The following MRTFB variants were observed in gnomAD, a reference collection of about 807,000 sequenced individuals.
MRTFB encodes the protein myocardin related transcription factor B, also known as myocardin-related transcription factor B.
MRTFB carries 29 observed loss-of-function variants against 104.2 expected under a neutral mutation model. That is an observed-to-expected ratio of 0.28 (90% CI 0.21 to 0.38). The LOEUF is 0.38. Ranked by LOEUF, MRTFB falls within the 10% of genes least tolerant of loss-of-function variation. MRTFB has a pLI of 1.00. For synonymous variants in MRTFB, 535 were observed against 519.5 expected, an observed-to-expected ratio of 1.03 and a Z score of -0.41; for missense variants, 1,270 against 1,341.6, an observed-to-expected ratio of 0.95 and a Z score of 0.83.
intron 3 of MRTFB, among the ~76,000 whole-genome samples, chr16:14,164,379 A>G (rs765587601): frequency 1.6e-4 from 25 of 151,962 alleles, no homozygotes; most frequent in African/African-American, 6.0e-4. Flanking sequence ...TTCCATCCAT[A>G]TTGCTGCAAA....
At chr16:14,141,471 T>TA (rs1245576737) in intron 3 of MRTFB, 1 of 152,200 alleles carries the variant, frequency 6.6e-6, no homozygotes, top group Non-Finnish European at 1.5e-5. Flanking sequence ...GCATGCACAT[T>TA]AAAAAATAGA....
chr16:14,125,477 G>C (rs2037061794), intron 2 of MRTFB, among the ~76,000 whole-genome samples: 1 of 152,262 alleles, frequency 6.6e-6, no homozygotes, highest in Non-Finnish European at 1.5e-5. Context: ...CGGGCAGCTT[G>C]GAGGGGAACC....
intron 16 of MRTFB, among the ~76,000 whole-genome samples, chr16:14,258,801 A>G (rs1379966237): frequency 6.6e-6 from 1 of 152,240 alleles, no homozygotes; most frequent in Non-Finnish European, 1.5e-5. Flanking sequence ...TTTCTACAAT[A>G]TAATATGAAG....
intron 8 of MRTFB, among the ~76,000 whole-genome samples, chr16:14,228,494 A>G (rs113205678): frequency 0.028 from 4,288 of 151,930 alleles, 73 homozygotes; most frequent in Middle Eastern, 0.085. Flanking sequence ...AGAATTGCTT[A>G]GAACCCAGGA....
intron 2 of MRTFB, among the ~76,000 whole-genome samples, chr16:14,117,064 T>C (rs2036578551): frequency 6.6e-6 from 1 of 152,200 alleles, no homozygotes; most frequent in Admixed American, 6.5e-5. Flanking sequence ...TTTCAAGGGA[T>C]TGAGGTACCA....
At position 14,092,043 on chromosome 16, in the gene MRTFB, C is replaced by A. The variant is rs953444368; in HGVS notation, c.-64+12689C>A. Among the ~76,000 whole-genome samples the A allele has an allele frequency of 1.8e-4, 26 of 144,842 alleles. No individual in the cohort carries two copies. In the East Asian group the frequency reaches 3.4e-3, roughly 19 times the overall value. On this transcript the variant is annotated intron_variant, in intron 2 of 16. Transcript: ENST00000571589. ...AAAAGAATGCCTCCCAAGTTAGTGGCTTTGGTAACCTATGATGGCACCACT... is the reference window on the plus strand; with the variant it reads ...AAAAGAATGCCTCCCAAGTTAGTGGATTTGGTAACCTATGATGGCACCACT...
intron 3 of MRTFB, among the ~76,000 whole-genome samples, chr16:14,155,032 C>T (rs2038776874): frequency 6.6e-6 from 1 of 152,204 alleles, no homozygotes; most frequent in African/African-American, 2.4e-5. Context: ...TGGGACTACC[C>T]TAAAGGCTGC....
At chr16:14,004,156 C>T in the MRTFB span, among the ~76,000 whole-genome samples, 1 of 152,128 alleles carries the variant, frequency 6.6e-6, no homozygotes, top group Non-Finnish European at 1.5e-5. Flanking sequence ...GGTGGCAGCC[C>T]CGGACCTTGA....
At chr16:14,162,705 C>T (rs2039088747) in intron 3 of MRTFB, among the ~76,000 whole-genome samples, 1 of 152,102 alleles carries the variant, frequency 6.6e-6, no homozygotes, top group Non-Finnish European at 1.5e-5. Context: ...CGTTAGAAAT[C>T]AGGATAGTGG....
At chr16:14,235,323 G>A (rs1023855398) in intron 9 of MRTFB, among the ~76,000 whole-genome samples, 15 of 152,118 alleles carry the variant, frequency 9.9e-5, no homozygotes, top group African/African-American at 3.4e-4. Context: ...CATTGGAGTC[G>A]GAAATTCCAG....
chr16:14,134,208 C>G (rs1472676685), intron 2 of MRTFB, among the ~76,000 whole-genome samples: 1 of 152,174 alleles, frequency 6.6e-6, no homozygotes, highest in Non-Finnish European at 1.5e-5. Context: ...CCACTTCCAG[C>G]ACAGGAATGT....
At chr16:14,088,337 G>A (rs146383071) in intron 2 of MRTFB, among the ~76,000 whole-genome samples, 5 of 152,288 alleles carry the variant, frequency 3.3e-5, no homozygotes, top group Middle Eastern at 3.4e-3. Flanking sequence ...GAGCAGAAGG[G>A]CTCAATGAGA....
the MRTFB span, among the ~76,000 whole-genome samples, chr16:14,008,546 A>ATGTC: frequency 6.6e-6 from 1 of 152,182 alleles, no homozygotes; most frequent in Non-Finnish European, 1.5e-5. Flanking sequence ...AGTGATCTAT[A>ATGTC]TGTCTGTCCT....
chr16:14,258,142 T>G lies in MRTFB; in HGVS notation c.2745T>G (p.Asp915Glu), dbSNP rs757751621. Residue 915 changes from aspartate (D) to glutamate (E), a missense_variant, in exon 16 of 17, where the codon GAT becomes GAG. By Grantham distance (45) the Asp-to-Glu change is conservative (BLOSUM62 2). Around this residue, in one of 3 missense-constraint regions of MRTFB, gnomAD observed 1,144 missense variants for 1,131.5 expected, o/e 1.01. Transcript: ENST00000571589. ...AHSQQMDDLF[D>E]ILIKSGEISL... ...GTCAGCAGATGGATGACCTCTTTGA[T>G]ATCCTCATTAAGAGTGGAGGTAAGT... The G allele has an allele frequency of 9.9e-6, 16 of 1,613,848 alleles. No individual in the cohort carries two copies. The South Asian group carries it at 1.5e-4, about 16-fold the overall frequency.
chr16:14,234,725 T>G (rs2042418633), intron 9 of MRTFB, among the ~76,000 whole-genome samples: 1 of 151,958 alleles, frequency 6.6e-6, no homozygotes, highest in South Asian at 2.1e-4. Flanking sequence ...AGCCCTGGAG[T>G]TTGAGGCTGC....
At chr16:14,143,074 A>G (rs2038092968) in intron 3 of MRTFB, 1 of 151,938 alleles carries the variant, frequency 6.6e-6, no homozygotes, top group East Asian at 1.9e-4. Flanking sequence ...ATCTAGCACT[A>G]ATTTCCAGGG....
intron 2 of MRTFB, among the ~76,000 whole-genome samples, chr16:14,117,871 C>G (rs1218602640): frequency 6.6e-6 from 1 of 152,134 alleles, no homozygotes; most frequent in Admixed American, 6.5e-5. Context: ...TATAGACAAC[C>G]ATTTTGGTAA....
At chr16:14,054,056 C>G in the MRTFB span, among the ~76,000 whole-genome samples, 1 of 152,126 alleles carries the variant, frequency 6.6e-6, no homozygotes, top group African/African-American at 2.4e-5. Context: ...TATTCTAAAT[C>G]AACTTATGGC....
intron 2 of MRTFB, among the ~76,000 whole-genome samples, chr16:14,104,542 A>G (rs2035870683): frequency 6.6e-6 from 1 of 152,292 alleles, no homozygotes; most frequent in Middle Eastern, 3.4e-3. Flanking sequence ...AATAAATCTC[A>G]GTACTATTTG....
Sources: allele counts gnomAD v4.1 joint callset (sites outside exome capture counted in the v4.1 genomes callset), GRCh38; gene constraint gnomAD v4.1.1; regional missense constraint gnomAD v4.1.1; transcripts MANE v1.5; gene names NCBI Gene and HGNC (gene_info 2026-07-23, HGNC 2026-07-21).